KCNMB4: variants seen among roughly 807,000 people sequenced by gnomAD.
KCNMB4 encodes the protein calcium-activated potassium channel subunit beta-4.
In KCNMB4, 3 loss-of-function variants were observed where a neutral mutation model predicts 20.7. The observed-to-expected ratio is 0.14, with a 90% CI of 0.07 to 0.37. The LOEUF (loss-of-function observed/expected upper bound fraction) is 0.37, where lower values mean the gene tolerates loss of function less well. Among genes scored for constraint, KCNMB4 ranks in the 10% least tolerant of loss-of-function variants. KCNMB4 has a pLI of 1.00. For synonymous variants in KCNMB4, 110 were observed against 113.4 expected, an observed-to-expected ratio of 0.97 and a Z score of 0.19; for missense variants, 168 against 265.9, an observed-to-expected ratio of 0.63 and a Z score of 2.56.
chr12:70,433,222 G>A lies in KCNMB4; in HGVS notation c.*2569G>A, dbSNP rs988306404. ...TTCTTAATGTTTTCATTCTCTTTTT[G>A]TATAAATCAGAAAATGATCTAAACT... On this transcript the variant is annotated 3_prime_UTR_variant, in exon 3 of 3. Coordinates refer to ENST00000258111, the MANE Select transcript of KCNMB4 (RefSeq NM_014505.6). The A allele has an allele frequency of 1.3e-5, 2 of 152,046 alleles. No individual in the cohort carries two copies. Among genetic ancestry groups the A allele is most frequent in the African/African-American group, 2.4e-5 (1 of 41,394 alleles). The allele number at this position is 152,046 out of a possible 1,614,324, so 9.4% of individuals were successfully genotyped here.
intron 2 of KCNMB4, among the ~76,000 whole-genome samples, chr12:70,416,945 T>A (rs1288858986): frequency 6.6e-6 from 1 of 152,204 alleles, no homozygotes; most frequent in East Asian, 1.9e-4. Flanking sequence ...GGGAATCTTC[T>A]AGAATGATGA....
In KCNMB4 at chr12:70,430,506, T is replaced by C. The variant is rs1445350387; in HGVS notation, c.486T>C (p.His162=). The C allele has an allele frequency of 6.2e-7, 1 of 1,613,172 alleles. No homozygotes were observed. The highest frequency in any genetic ancestry group is 8.5e-7 in the Non-Finnish European group (1 of 1,179,744). ...GCAGACCAGATGATGTGCTTCTGCATCGCACTCATGATGAGATTGTCCTCC... is the reference window on the plus strand; with the variant it reads ...GCAGACCAGATGATGTGCTTCTGCACCGCACTCATGATGAGATTGTCCTCC... ...QHQRPDDVLL[H]RTHDEIVLLH... is the part of the protein sequence containing the mutation. The change falls in exon 3 of 3, where the codon CAT becomes CAC. Residue 162 remains histidine (H), a synonymous_variant. Coordinates refer to ENST00000258111, the MANE Select transcript of KCNMB4 (RefSeq NM_014505.6).
At chr12:70,401,378 ACTGT>A (rs56371035) in intron 2 of KCNMB4, among the ~76,000 whole-genome samples, 22,701 of 151,794 alleles carry the variant, frequency 0.15, 2,828 homozygotes, top group African/African-American at 0.34. Flanking sequence ...CCCCACTATC[ACTGT>A]CTTAGTTTAC....
chr12:70,409,645 T>C (rs1868713877), intron 2 of KCNMB4, among the ~76,000 whole-genome samples: 1 of 152,308 alleles, frequency 6.6e-6, no homozygotes, highest in Middle Eastern at 3.4e-3. Flanking sequence ...AAGCTGAGGA[T>C]GCTGCTATGA....
intron 2 of KCNMB4, among the ~76,000 whole-genome samples, chr12:70,419,981 T>C (rs1336005542): frequency 6.6e-6 from 1 of 152,146 alleles, no homozygotes; most frequent in Non-Finnish European, 1.5e-5. Flanking sequence ...GTGTCTTGTA[T>C]GTAAATGCCT....
chr12:70,391,063 C>T (rs1868295001), intron 1 of KCNMB4, among the ~76,000 whole-genome samples: 1 of 152,170 alleles, frequency 6.6e-6, no homozygotes, highest in Non-Finnish European at 1.5e-5. Flanking sequence ...CTCACCCTTC[C>T]TCTAAGGAGC....
intron 2 of KCNMB4, among the ~76,000 whole-genome samples, chr12:70,401,417 C>T (rs534421480): frequency 1.3e-5 from 2 of 152,278 alleles, no homozygotes; most frequent in Non-Finnish European, 2.9e-5. Flanking sequence ...GCTCCATTAA[C>T]GCAATAGTCT....
intron 2 of KCNMB4, among the ~76,000 whole-genome samples, chr12:70,408,301 T>G (rs1868668883): frequency 6.6e-6 from 1 of 152,168 alleles, no homozygotes; most frequent in South Asian, 2.1e-4. Flanking sequence ...CTTAGTACAC[T>G]TTTTACTACT....
At chr12:70,423,884 T>C (rs1398861333) in intron 2 of KCNMB4, among the ~76,000 whole-genome samples, 3 of 152,224 alleles carry the variant, frequency 2.0e-5, no homozygotes, top group Non-Finnish European at 4.4e-5. Context: ...AAAATACTTT[T>C]CCTTTACATT....
At chr12:70,411,526 C>T (rs1868776857) in intron 2 of KCNMB4, among the ~76,000 whole-genome samples, 1 of 152,020 alleles carries the variant, frequency 6.6e-6, no homozygotes, top group Admixed American at 6.6e-5. Flanking sequence ...ATTTCCTCTC[C>T]GTGAAGCAAG....
chr12:70,401,308 G>T (rs368810949), intron 2 of KCNMB4, among the ~76,000 whole-genome samples: 9 of 152,326 alleles, frequency 5.9e-5, no homozygotes, highest in African/African-American at 2.2e-4. Context: ...TTACAGGCGT[G>T]AGCCACTGTG....
At chr12:70,367,858 G>GAAGAAA (rs563284325) in intron 1 of KCNMB4, among the ~76,000 whole-genome samples, 173 of 146,348 alleles carry the variant, frequency 1.2e-3, no homozygotes, top group Non-Finnish European at 2.3e-3. Context: ...AAGCAAGCAA[G>GAAGAAA]AAGAAAAAGA....
At chr12:70,393,359 T>C (rs1868317562) in intron 1 of KCNMB4, among the ~76,000 whole-genome samples, 1 of 152,100 alleles carries the variant, frequency 6.6e-6, no homozygotes. Context: ...CCTGCCACCA[T>C]GCCTAGCTAA....
intron 2 of KCNMB4, among the ~76,000 whole-genome samples, chr12:70,403,605 C>T (rs1391760893): frequency 2.0e-5 from 3 of 152,144 alleles, no homozygotes; most frequent in African/African-American, 4.8e-5. Context: ...GGATTACAGG[C>T]GGGAGCCTCT....
chr12:70,382,248 A>AT (rs1883799989), intron 1 of KCNMB4, among the ~76,000 whole-genome samples: 2 of 151,738 alleles, frequency 1.3e-5, no homozygotes, highest in Non-Finnish European at 2.9e-5. Context: ...GATCGAGACC[A>AT]CGGTGAAACC....
chr12:70,400,651 G>A (rs536799639), intron 2 of KCNMB4, among the ~76,000 whole-genome samples: 32 of 152,226 alleles, frequency 2.1e-4, no homozygotes, highest in Middle Eastern at 3.4e-3. Flanking sequence ...AGACTGCATC[G>A]AATCTTACCT....
intron 1 of KCNMB4, among the ~76,000 whole-genome samples, chr12:70,384,865 C>A (rs1474801355): frequency 8.4e-6 from 1 of 119,488 alleles, no homozygotes; most frequent in Non-Finnish European, 1.6e-5. Flanking sequence ...CACAGTGAGA[C>A]CCTGTCTCAA....
At chr12:70,430,198 TTAAG>T (rs1259444973) in intron 2 of KCNMB4, among the ~76,000 whole-genome samples, 2 of 152,126 alleles carry the variant, frequency 1.3e-5, no homozygotes, top group South Asian at 2.1e-4. Context: ...GTGGAATACA[TTAAG>T]TAACTTAGAA....
chr12:70,412,947 C>T (rs560533365), intron 2 of KCNMB4, among the ~76,000 whole-genome samples: 1 of 152,132 alleles, frequency 6.6e-6, no homozygotes, highest in South Asian at 2.1e-4. Flanking sequence ...GACATTAAAC[C>T]CAATGATATA....
Sources: allele counts gnomAD v4.1 joint callset (sites outside exome capture counted in the v4.1 genomes callset), GRCh38; gene constraint gnomAD v4.1.1; transcripts MANE v1.5; gene names NCBI Gene and HGNC (gene_info 2026-07-23, HGNC 2026-07-21).